The following FAXC variants were observed in gnomAD, a reference collection of about 807,000 sequenced individuals.
FAXC encodes failed axon connections homolog.
A neutral mutation model predicts 41.9 loss-of-function variants in FAXC; 10 were observed. That is an observed-to-expected ratio of 0.24 (90% confidence interval 0.15 to 0.41). The LOEUF (loss-of-function observed/expected upper bound fraction) is 0.41, where lower values mean the gene tolerates loss of function less well. Among genes scored for constraint, FAXC ranks in the 10% least tolerant of loss-of-function variants. The probability of loss-of-function intolerance (pLI) is 1.00; values close to 1 mark genes in which losing one functional copy is unlikely to be tolerated. For synonymous variants in FAXC, 183 were observed against 183.8 expected, an observed-to-expected ratio of 1.00 and a Z score of 0.03; for missense variants, 399 against 510.9, an observed-to-expected ratio of 0.78 and a Z score of 2.11.
intron 4 of FAXC, among the ~76,000 whole-genome samples, chr6:99,316,651 A>G (rs1772369108): frequency 6.6e-6 from 1 of 152,206 alleles, no homozygotes; most frequent in Non-Finnish European, 1.5e-5. Flanking sequence ...TTCATGGTAT[A>G]GGCTTCCCAA....
At chr6:99,294,930 T>A (rs1284872316) in intron 4 of FAXC, among the ~76,000 whole-genome samples, 1 of 152,186 alleles carries the variant, frequency 6.6e-6, no homozygotes, top group East Asian at 1.9e-4. Flanking sequence ...ACTGAGTTAG[T>A]GACTAAGGAA....
intron 4 of FAXC, among the ~76,000 whole-genome samples, chr6:99,306,002 C>T (rs1479854856): frequency 6.6e-6 from 1 of 151,874 alleles, no homozygotes. Context: ...ATGATCAGCG[C>T]TACGCAGAGA....
intron 3 of FAXC, among the ~76,000 whole-genome samples, chr6:99,330,439 C>T (rs1772990082): frequency 1.3e-5 from 2 of 152,118 alleles, no homozygotes; most frequent in African/African-American, 4.8e-5. Flanking sequence ...TCTTCAGTAA[C>T]AGTTTTTATA....
chr6:99,318,332 A>G (rs1203673011), intron 4 of FAXC, among the ~76,000 whole-genome samples: 1 of 151,774 alleles, frequency 6.6e-6, no homozygotes, highest in Admixed American at 6.6e-5. Flanking sequence ...GAAAATATAT[A>G]TGTACAAATA....
chr6:99,296,957 C>A (rs1303024110), intron 4 of FAXC, among the ~76,000 whole-genome samples: 2 of 152,148 alleles, frequency 1.3e-5, no homozygotes, highest in African/African-American at 2.4e-5. Flanking sequence ...GATGAAGGAA[C>A]CACTGGGGCA....
Position 99,277,531 on chromosome 6 carries a change from T to C in FAXC, c.*3633A>G, listed in dbSNP as rs1770674441. The C allele has an allele frequency of 6.6e-6, 1 of 152,182 alleles. No individual in the cohort carries two copies. The highest frequency in any genetic ancestry group is 2.1e-4 in the South Asian group (1 of 4,822). The allele number at this position is 152,182 out of a possible 1,614,324, so 9.4% of individuals were successfully genotyped here. On this transcript the variant is annotated 3_prime_UTR_variant, in exon 6 of 6. Transcript: ENST00000389677. ...AGGAAGTATGAGGAGTCTTGGTGAT[T>C]TGGGAATCCATCTTGCTATTCTTCA...
intron 4 of FAXC, among the ~76,000 whole-genome samples, chr6:99,296,543 G>A (rs1474795698): frequency 6.6e-6 from 1 of 152,102 alleles, no homozygotes; most frequent in Non-Finnish European, 1.5e-5. Flanking sequence ...AGGGACCTAG[G>A]GTACATCAGA....
At chr6:99,325,104 G>GT (rs11384726) in intron 3 of FAXC, among the ~76,000 whole-genome samples, 120,512 of 148,364 alleles carry the variant, frequency 0.81, 49,117 homozygotes, top group East Asian at 0.99. Flanking sequence ...TTTAAGGTTT[G>GT]TTTTTTTTTT....
At chr6:99,285,583 TGAG>T (rs541464866) in intron 5 of FAXC, among the ~76,000 whole-genome samples, 147 of 152,206 alleles carry the variant, frequency 9.7e-4, no homozygotes, top group Non-Finnish European at 1.7e-3. Context: ...TGGACATGGA[TGAG>T]GAGAAGGCCA....
chr6:99,330,192 A>G (rs1772981811), intron 3 of FAXC, among the ~76,000 whole-genome samples: 1 of 152,110 alleles, frequency 6.6e-6, no homozygotes, highest in Non-Finnish European at 1.5e-5. Context: ...TGAAAATATT[A>G]TAATAACTAG....
intron 3 of FAXC, among the ~76,000 whole-genome samples, chr6:99,328,407 A>G (rs1350392983): frequency 6.6e-6 from 1 of 152,216 alleles, no homozygotes. Context: ...ATGACCATCT[A>G]TGAGTCAGGA....
chr6:99,305,620 T>A (rs1243324140), intron 4 of FAXC, among the ~76,000 whole-genome samples: 1 of 151,606 alleles, frequency 6.6e-6, no homozygotes, highest in African/African-American at 2.4e-5. Flanking sequence ...ACCAAACCCA[T>A]GAGAATAATA....
intron 3 of FAXC, among the ~76,000 whole-genome samples, chr6:99,331,869 CT>C (rs1773038984): frequency 6.6e-6 from 1 of 152,210 alleles, no homozygotes; most frequent in African/African-American, 2.4e-5. Flanking sequence ...TAAGTTTTTC[CT>C]GGAAGCTATG....
At chr6:99,323,318 C>A (rs1281112485) in intron 4 of FAXC, 126 bp downstream of exon 4, 7 of 756,524 alleles carry the variant, frequency 9.3e-6, no homozygotes, top group Non-Finnish European at 1.5e-5. Flanking sequence ...GTGGGGACTG[C>A]AATCTACACA....
At chr6:99,336,242 T>C (rs1377964265) in intron 2 of FAXC, among the ~76,000 whole-genome samples, 3 of 151,790 alleles carry the variant, frequency 2.0e-5, no homozygotes, top group East Asian at 3.9e-4. Flanking sequence ...AAAATGTTGA[T>C]TTTTTTTCTT....
chr6:99,312,777 T>A (rs1582652696), intron 4 of FAXC, among the ~76,000 whole-genome samples: 1 of 152,322 alleles, frequency 6.6e-6, no homozygotes, highest in East Asian at 1.9e-4. Flanking sequence ...ATCCTGAAGG[T>A]TGAATTACTT....
At chr6:99,312,187 C>A (rs1286064361) in intron 4 of FAXC, among the ~76,000 whole-genome samples, 1 of 152,224 alleles carries the variant, frequency 6.6e-6, no homozygotes. Flanking sequence ...CCAGGCCTGG[C>A]ACAGAGTCCA....
chr6:99,345,767 T>C (rs1773568984), intron 1 of FAXC, among the ~76,000 whole-genome samples: 2 of 152,360 alleles, frequency 1.3e-5, no homozygotes, highest in Admixed American at 6.5e-5. Context: ...TAAGCACTGG[T>C]AATGAAGTTA....
intron 3 of FAXC, among the ~76,000 whole-genome samples, chr6:99,326,484 G>GA (rs1442697866): frequency 2.0e-5 from 3 of 152,170 alleles, no homozygotes; most frequent in Non-Finnish European, 4.4e-5. Flanking sequence ...TTTGGATGAT[G>GA]AAAGATTGGT....
Sources: gnomAD v4.1 joint callset for allele counts (sites outside exome capture counted in the v4.1 genomes callset) on GRCh38, gnomAD v4.1.1 for gene constraint, MANE v1.5 for transcripts, NCBI Gene and HGNC (gene_info 2026-07-23, HGNC 2026-07-21) for gene names.